The following DNAJC17 variants were observed in gnomAD, a reference collection of about 807,000 sequenced individuals.
DNAJC17 encodes dnaJ homolog subfamily C member 17.
A neutral mutation model predicts 48.1 loss-of-function variants in DNAJC17; 35 were observed. The observed-to-expected ratio is 0.73, with a 90% CI of 0.56 to 0.96. The LOEUF is 0.96. DNAJC17 is among the 50% of genes least tolerant of loss of function. DNAJC17 has a pLI of 0.00. For synonymous variants in DNAJC17, 117 were observed against 142.7 expected, an observed-to-expected ratio of 0.82 and a Z score of 1.28; for missense variants, 355 against 377.1, an observed-to-expected ratio of 0.94 and a Z score of 0.48.
chr15:40,779,803 C>T, intron 2 of DNAJC17, 125 bp downstream of exon 2: 1 of 1,200,392 alleles, frequency 8.3e-7, no homozygotes, highest in Non-Finnish European at 1.2e-6. Context: ...GCCCTGGGAC[C>T]CATTGCCTGG....
intron 1 of DNAJC17, among the ~76,000 whole-genome samples, chr15:40,794,681 AC>A (rs1167736505): frequency 6.6e-6 from 1 of 152,074 alleles, no homozygotes; most frequent in African/African-American, 2.4e-5. Flanking sequence ...AAAACAAAAA[AC>A]AAAAATAAAA....
chr15:40,789,335 G>A (rs1889730286), intron 1 of DNAJC17, among the ~76,000 whole-genome samples: 1 of 148,052 alleles, frequency 6.8e-6, no homozygotes, highest in South Asian at 2.2e-4. Flanking sequence ...TCATCTCCAG[G>A]TCCCCCTTCC....
chr15:40,801,581 G>A (rs539823423), intron 1 of DNAJC17, among the ~76,000 whole-genome samples: 20 of 151,974 alleles, frequency 1.3e-4, no homozygotes, highest in Non-Finnish European at 1.9e-4. Flanking sequence ...GTGAAACCCC[G>A]TCTCTACTAA....
intron 2 of DNAJC17, 34 bp downstream of exon 2, chr15:40,779,893 GT>G: frequency 6.2e-7 from 1 of 1,605,082 alleles, no homozygotes; most frequent in Non-Finnish European, 8.5e-7. Flanking sequence ...GGGTGAGTGG[GT>G]TTCTTTCTCC....
intron 1 of DNAJC17, among the ~76,000 whole-genome samples, chr15:40,781,707 G>T (rs556705787): frequency 9.9e-5 from 15 of 151,766 alleles, no homozygotes; most frequent in Middle Eastern, 6.8e-3. Context: ...GGATCACGAG[G>T]TCAGGAGATT....
intron 8 of DNAJC17, among the ~76,000 whole-genome samples, chr15:40,774,806 G>A (rs148313456): frequency 5.3e-5 from 8 of 152,334 alleles, no homozygotes; most frequent in Non-Finnish European, 8.8e-5. Context: ...GGGTTAGACC[G>A]AGGTAGCAAA....
intron 2 of DNAJC17, 74 bp downstream of exon 2, chr15:40,779,854 C>G (rs1889432331): frequency 6.6e-7 from 1 of 1,510,740 alleles, no homozygotes. Context: ...CACTCACATG[C>G]AGAGCTTACA....
intron 1 of DNAJC17, among the ~76,000 whole-genome samples, chr15:40,795,011 A>C (rs1889911790): frequency 2.0e-5 from 3 of 151,860 alleles, no homozygotes; most frequent in Admixed American, 6.6e-5. Flanking sequence ...GAGCCACCGT[A>C]AGTTTATTTT....
intron 1 of DNAJC17, among the ~76,000 whole-genome samples, chr15:40,801,875 T>C (rs986825067): frequency 1.3e-5 from 2 of 151,802 alleles, no homozygotes; most frequent in African/African-American, 4.8e-5. Flanking sequence ...TAGATCAGAA[T>C]GGAATAGGCT....
intron 9 of DNAJC17, chr15:40,774,129 G>A: frequency 3.3e-6 from 2 of 609,384 alleles, no homozygotes; most frequent in East Asian, 2.8e-5. Context: ...AGGGAGCAGA[G>A]TCAAGTCTGT....
At chr15:40,797,036 G>C (rs1471660386) in intron 1 of DNAJC17, among the ~76,000 whole-genome samples, 1 of 152,066 alleles carries the variant, frequency 6.6e-6, no homozygotes, top group African/African-American at 2.4e-5. Context: ...CAAAGTGCTG[G>C]GATTACAGGC....
intron 1 of DNAJC17, among the ~76,000 whole-genome samples, chr15:40,806,459 C>T (rs991813909): frequency 2.0e-5 from 3 of 151,988 alleles, no homozygotes; most frequent in Non-Finnish European, 2.9e-5. Context: ...CCACATGATC[C>T]GCCCGCCTCG....
At chr15:40,799,123 A>G (rs1306167154) in intron 1 of DNAJC17, among the ~76,000 whole-genome samples, 3 of 150,860 alleles carry the variant, frequency 2.0e-5, no homozygotes, top group Non-Finnish European at 2.9e-5. Flanking sequence ...TACTCGGGAG[A>G]CTGAGGCAGG....
At chr15:40,774,574 T>C (rs1008013623) in intron 8 of DNAJC17, 138 bp from the exon 9 acceptor site, 2 of 896,982 alleles carry the variant, frequency 2.2e-6, no homozygotes, top group Middle Eastern at 3.4e-4. Flanking sequence ...CACCTACTTA[T>C]CTTAGTGAAG....
intron 1 of DNAJC17, among the ~76,000 whole-genome samples, chr15:40,800,596 T>G (rs186114522): frequency 3.5e-4 from 53 of 151,966 alleles, no homozygotes; most frequent in Middle Eastern, 6.8e-3. Flanking sequence ...CTTGCCCATT[T>G]TTTAACCGAG....
At chr15:40,787,621 C>T (rs1889675410) in intron 1 of DNAJC17, among the ~76,000 whole-genome samples, 1 of 152,120 alleles carries the variant, frequency 6.6e-6, no homozygotes, top group Non-Finnish European at 1.5e-5. Context: ...AAATTGGCAG[C>T]CACCCAGCCC....
At chr15:40,807,128 G>A in intron 1 of DNAJC17, 3 of 992,106 alleles carry the variant, frequency 3.0e-6, no homozygotes, top group Non-Finnish European at 4.3e-6. Flanking sequence ...AGGAGACAGG[G>A]GCCACGGGGA....
At chr15:40,807,326 C>A in intron 1 of DNAJC17, 43 bp downstream of exon 1, 1 of 1,614,210 alleles carries the variant, frequency 6.2e-7, no homozygotes, top group Non-Finnish European at 8.5e-7. Context: ...CAGGAAGGAC[C>A]GCCAGACCTC....
chr15:40,802,733 C>A (rs550125577), intron 1 of DNAJC17, among the ~76,000 whole-genome samples: 41 of 152,276 alleles, frequency 2.7e-4, no homozygotes, highest in African/African-American at 9.6e-4. Context: ...TAACCACCTT[C>A]TCCGAGCTGC....
Sources: allele counts gnomAD v4.1 joint callset (sites outside exome capture counted in the v4.1 genomes callset), GRCh38; gene constraint gnomAD v4.1.1; transcripts MANE v1.5; gene names NCBI Gene and HGNC (gene_info 2026-07-23, HGNC 2026-07-21).